The following LRP2 variants were observed in gnomAD, a reference collection of about 807,000 sequenced individuals.
LRP2 encodes LDL receptor related protein 2.
In LRP2, 172 loss-of-function variants were observed where a neutral mutation model predicts 531.0. That is an observed-to-expected ratio of 0.32 (90% CI 0.29 to 0.37). The LOEUF (loss-of-function observed/expected upper bound fraction) is 0.37, where lower values mean the gene tolerates loss of function less well. LRP2 is among the 10% of genes least tolerant of loss of function. LRP2 has a pLI of 1.00. For synonymous variants in LRP2, 1,992 were observed against 2,027.6 expected (o/e 0.98, Z 0.47); for missense variants, 5,167 against 5,868.3 (o/e 0.88, Z 3.90).
Position 169,175,325 on chromosome 2 carries a change from C to G in LRP2, c.10636G>C (p.Ala3546Pro). 6.2e-7 allele frequency: 1 copy of G among 1,614,176 alleles called. No homozygotes were observed. ...CGGCAGAAGCGCTGCGGGCAAAGGGCCAGTTCATCAGAGCCATCTGAGCAG... is the reference window on the plus strand; with the variant it reads ...CGGCAGAAGCGCTGCGGGCAAAGGGGCAGTTCATCAGAGCCATCTGAGCAG... ...KDCSDGSDEL[A>P]LCPQRFCRLG... The change falls in exon 55 of 79, where the codon GCC becomes CCC. Residue 3546 changes from alanine (A) to proline (P), a missense_variant. Ala to Pro is a conservative substitution (Grantham distance 27). Around this residue, in one of 6 missense-constraint regions of LRP2, gnomAD observed 311 missense variants for 309.4 expected, o/e 1.01. Coordinates refer to ENST00000649046, the MANE Select transcript of LRP2 (RefSeq NM_004525.3).
At position 169,256,228 on chromosome 2, in the gene LRP2, C is replaced by T. The variant is rs1426342429; in HGVS notation, c.2648G>A (p.Arg883Gln). 2 of 1,611,898 alleles carry T rather than the reference C, an allele frequency of 1.2e-6. No homozygotes were observed. Among genetic ancestry groups the T allele is most frequent in the Non-Finnish European group, 1.7e-6 (2 of 1,178,560 alleles). Reference protein sequence around the residue: ...NGLAIDWAASRLYWVDAYFDK... With the variant: ...NGLAIDWAASQLYWVDAYFDK... ...AAAATAGGCATCTACCCAGTACAAT[C>T]GTGAAGCACTAAAATAATAAAATAT... Residue 883 changes from arginine (R) to glutamine (Q), a missense_variant, in exon 19 of 79, where the codon CGA (arginine) becomes CAA (glutamine). Arg to Gln is a conservative substitution (Grantham distance 43). This residue lies in a region of LRP2 where 2,811 missense variants were observed against 3,058.0 expected (regional missense o/e 0.92). Transcript: ENST00000649046.
At chr2:169,309,170 G>A (rs1684517447) in intron 3 of LRP2, among the ~76,000 whole-genome samples, 1 of 152,072 alleles carries the variant, frequency 6.6e-6, no homozygotes, top group African/African-American at 2.4e-5. Flanking sequence ...CCATTCTATA[G>A]GTTGCCTGTT....
Position 169,259,159 on chromosome 2 carries a change from C to A in LRP2, c.2379G>T (p.Trp793Cys), listed in dbSNP as rs1173511942. The change falls in exon 17 of 79, where the codon TGG (tryptophan) becomes TGT (cysteine). Residue 793 changes from tryptophan to cysteine, a missense_variant. Physicochemically the swap from Trp to Cys is radical, Grantham distance 215. Coordinates refer to ENST00000649046, the MANE Select transcript of LRP2 (RefSeq NM_004525.3). Reference sequence around the variant, plus strand: ...CTGTCCAATAGAGATTCTTTGAAATCCAATCAAAAGCCAAACTTTCAACAT... The same window carrying A: ...CTGTCCAATAGAGATTCTTTGAAATACAATCAAAAGCCAAACTTTCAACAT... ...VENVESLAFD[W>C]ISKNLYWTDS... 1.9e-6 allele frequency: 3 copies of A among 1,613,328 alleles called. No homozygotes were observed. The highest frequency in any genetic ancestry group is 2.2e-5 in the East Asian group (1 of 44,830).
chr2:169,282,673 G>A (rs1282224187), intron 10 of LRP2, among the ~76,000 whole-genome samples, 200 bp downstream of exon 10: 4 of 152,122 alleles, frequency 2.6e-5, no homozygotes, highest in Admixed American at 2.0e-4. Flanking sequence ...ACCATTAGTC[G>A]ACAAATTGGT....
At chr2:169,331,835 G>T (rs937764653) in intron 1 of LRP2, among the ~76,000 whole-genome samples, 13 of 152,200 alleles carry the variant, frequency 8.5e-5, no homozygotes, top group African/African-American at 2.6e-4. Context: ...ATTCCTATAC[G>T]GCTTTTTGAT....
In LRP2 at chr2:169,307,980, G is replaced by A. The variant is rs75048405; in HGVS notation, c.311-583C>T. ...TCAGCAGTTCATGAAATTTGCCTCC[G>A]GATAAAACAGATAAAATCCAGTGAA... is the stretch of plus-strand genomic sequence containing the variant. On this transcript the variant is annotated intron_variant, in intron 3 of 78. Coordinates refer to ENST00000649046, the MANE Select transcript of LRP2 (RefSeq NM_004525.3). Among the ~76,000 whole-genome samples the A allele has an allele frequency of 1.1e-3, 165 of 152,128 alleles. 2 individuals are homozygous for A. The highest frequency in any genetic ancestry group is 6.9e-3 in the East Asian group (36 of 5,180).
chr2:169,292,427 T>A, intron 6 of LRP2, 58 bp from the exon 7 acceptor site: 2 of 1,066,482 alleles, frequency 1.9e-6, no homozygotes, highest in South Asian at 2.5e-5. Flanking sequence ...AAACTGAAAG[T>A]GCTCTCACCT....
chr2:169,274,910 C>A (rs1683512093), intron 14 of LRP2, 126 bp downstream of exon 14: 8 of 884,244 alleles, frequency 9.0e-6, no homozygotes, highest in South Asian at 8.6e-5. Flanking sequence ...CTCTGGGTAA[C>A]CCTTCATATA....
At chr2:169,256,359 A>G in intron 18 of LRP2, 123 bp from the exon 19 acceptor site, 1 of 650,830 alleles carries the variant, frequency 1.5e-6, no homozygotes, top group South Asian at 2.6e-5. Flanking sequence ...TTTAAAATTT[A>G]AATTATATTC....
rs1483865943 is a variant in LRP2 at position 169,128,822 on chromosome 2, G to C, written c.13809C>G (p.Asn4603Lys). Residue 4603 changes from asparagine to lysine, a missense_variant, in exon 79 of 79, where the codon AAC (asparagine) becomes AAG (lysine). This residue lies in a region of LRP2 where 348 missense variants were observed against 369.3 expected (regional missense o/e 0.94). Transcript: ENST00000649046. ...FENPIYAQME[N>K]EQKESVAATP... ...TCGCAGCAACACTTTCCTTTTGCTC[G>C]TTCTCCATCTAAGAATACAATGTAA... 6.2e-7 allele frequency: 1 copy of C among 1,613,886 alleles called. No homozygotes were observed. Among genetic ancestry groups the C allele is most frequent in the African/African-American group, 1.3e-5 (1 of 74,890 alleles).
chr2:169,194,716 C>CTTTTTTTT (rs869249150), intron 46 of LRP2, among the ~76,000 whole-genome samples: 3 of 102,988 alleles, frequency 2.9e-5, no homozygotes, highest in African/African-American at 4.1e-5. Flanking sequence ...TTGATCCAGA[C>CTTTTTTTT]TTTTTTTTTT....
intron 22 of LRP2, 150 bp from the exon 23 acceptor site, chr2:169,243,672 C>A (rs1689895641): frequency 2.2e-6 from 2 of 900,036 alleles, no homozygotes; most frequent in Non-Finnish European, 3.7e-6. Context: ...TCAAAGTCAG[C>A]TAAGCAAAAG....
chr2:169,146,455 C>T (rs1300078518), intron 69 of LRP2, among the ~76,000 whole-genome samples: 1 of 152,218 alleles, frequency 6.6e-6, no homozygotes, highest in East Asian at 1.9e-4. Context: ...GAAACCACCT[C>T]TACTGGGGCA....
chr2:169,211,126 G>A (rs868097492), intron 37 of LRP2, among the ~76,000 whole-genome samples: 25 of 152,284 alleles, frequency 1.6e-4, no homozygotes, highest in African/African-American at 5.8e-4. Flanking sequence ...ATGGGTCCAC[G>A]TGAACATGAC....
At position 169,174,027 on chromosome 2, in the gene LRP2, G is replaced by A. The variant is rs747833963; in HGVS notation, c.10906C>T (p.Arg3636Trp). ...TTAGCACACCGAAACTGGCCCGGCC[G>A]GCAGGTCCTGCTGGCACAGTGGGAA... ...DSSHCASRTC[R>W]PGQFRCANGR... The change falls in exon 56 of 79, where the codon CGG (arginine) becomes TGG (tryptophan). Residue 3636 changes from arginine (R) to tryptophan (W), a missense_variant. This residue lies in a region of LRP2 where 311 missense variants were observed against 309.4 expected (regional missense o/e 1.01). Coordinates refer to ENST00000649046, the MANE Select transcript of LRP2 (RefSeq NM_004525.3). The A allele has an allele frequency of 1.4e-4, 231 of 1,614,220 alleles. No homozygotes were observed. The Middle Eastern group carries it at 1.8e-3, about 13-fold the overall frequency.
Position 169,292,235 on chromosome 2 carries a change from A to C in LRP2, c.769+18T>G. On this transcript the variant is annotated intron_variant, in intron 7 of 78. Transcript: ENST00000649046. ...TTGAAGAAAATGCTTTTCAGTAGGA[A>C]TCTCTTCCCCTCCTTACCACATCCA... 1 of 1,520,588 alleles carries C rather than the reference A, an allele frequency of 6.6e-7. No individual in the cohort carries two copies. The highest frequency in any genetic ancestry group is 9.1e-7 in the Non-Finnish European group (1 of 1,094,776). The allele number at this position is 1,520,588 out of a possible 1,614,324, so 94.2% of individuals were successfully genotyped here. A position where few individuals can be genotyped will look rare whatever the true frequency, so the allele number is the denominator to read the frequency against.
chr2:169,259,460 A>T (rs1690453078), intron 16 of LRP2, among the ~76,000 whole-genome samples: 3 of 151,994 alleles, frequency 2.0e-5, no homozygotes, highest in Non-Finnish European at 4.4e-5. Context: ...ATACTGACAA[A>T]CAGAACCAGG....
intron 3 of LRP2, among the ~76,000 whole-genome samples, chr2:169,307,849 T>C (rs1208742145): frequency 6.6e-6 from 1 of 152,210 alleles, no homozygotes; most frequent in African/African-American, 2.4e-5. Flanking sequence ...GTTTCCTCTA[T>C]TCTATAAACT....
chr2:169,170,595 T>A lies in LRP2; in HGVS notation c.11336A>T (p.Asp3779Val), dbSNP rs113682486. The A allele has an allele frequency of 6.2e-7, 1 of 1,614,040 alleles. No individual in the cohort carries two copies. Among genetic ancestry groups the A allele is most frequent in the Non-Finnish European group, 8.5e-7 (1 of 1,180,026 alleles). ...QQCIPSRWICDHYNDCGDNSD... is the reference protein window; with the variant it reads ...QQCIPSRWICVHYNDCGDNSD... ...GTTGTCCCCACAGTCGTTGTAATGG[T>A]CACAGATCCATCGCGAGGGAATGCA... The change falls in exon 59 of 79, where the codon GAC (aspartate) becomes GTC (valine). Residue 3779 changes from aspartate to valine, a missense_variant. Physicochemically the swap from Asp to Val is radical, Grantham distance 152 (BLOSUM62 -3). Transcript: ENST00000649046.
Sources: gnomAD v4.1 joint callset for allele counts (sites outside exome capture counted in the v4.1 genomes callset) on GRCh38, gnomAD v4.1.1 for gene constraint, gnomAD v4.1.1 regional missense constraint, MANE v1.5 for transcripts, NCBI Gene and HGNC (gene_info 2026-07-23, HGNC 2026-07-21) for gene names.